Variants in LARGE1 observed in about 807,000 individuals in gnomAD.
LARGE1 encodes LARGE xylosyl- and glucuronyltransferase 1.
A neutral mutation model predicts 87.6 loss-of-function variants in LARGE1; 43 were observed. The ratio of observed to expected loss-of-function variants is 0.49; its 90% confidence interval spans 0.38 to 0.63. LARGE1 has a LOEUF of 0.63. Among genes scored for constraint, LARGE1 ranks in the 30% least tolerant of loss-of-function variants. The pLI, the probability that LARGE1 is intolerant of heterozygous loss-of-function variation, is 0.00. For synonymous variants in LARGE1, 434 were observed against 394.6 expected (o/e 1.10, Z -1.18); for missense variants, 802 against 1,000.2 (o/e 0.80, Z 2.67).
At chr22:33,073,275 G>T in the LARGE1 span, among the ~76,000 whole-genome samples, 1 of 152,124 alleles carries the variant, frequency 6.6e-6, no homozygotes, top group East Asian at 1.9e-4. Flanking sequence ...ACAATAAAGG[G>T]TCTTGCAGGT....
rs778861944 is a variant in LARGE1, at chr22:33,564,963, C to T, written c.672G>A (p.Lys224=). Residue 224 remains lysine, a synonymous_variant, in exon 6 of 15, where the codon AAG becomes AAA. Transcript: ENST00000397394. ...CAGGAAGAGTCTTGGTCAGGACAAGCTTCATCAGACCATAAATCCCAGAGT... is the reference window on the plus strand; with the variant it reads ...CAGGAAGAGTCTTGGTCAGGACAAGTTTCATCAGACCATAAATCCCAGAGT... ...KHYSGIYGLM[K]LVLTKTLPAN... 1 of 1,614,164 alleles carries T rather than the reference C, an allele frequency of 6.2e-7. No homozygotes were observed. Among genetic ancestry groups the T allele is most frequent in the Non-Finnish European group, 8.5e-7 (1 of 1,180,012 alleles).
intron 6 of LARGE1, among the ~76,000 whole-genome samples, chr22:33,464,323 G>T (rs1425234846): frequency 6.6e-6 from 1 of 152,094 alleles, no homozygotes; most frequent in Admixed American, 6.6e-5. Flanking sequence ...CCAGGTTTTG[G>T]TTTATTTTCA....
chr22:33,133,799 G>C, the LARGE1 span, among the ~76,000 whole-genome samples: 1 of 150,874 alleles, frequency 6.6e-6, no homozygotes, highest in Non-Finnish European at 1.5e-5. Context: ...CCCACCAACA[G>C]TGTAAAAGCA....
chr22:33,512,586 TGA>T (rs2071105963), intron 6 of LARGE1, among the ~76,000 whole-genome samples: 1 of 152,178 alleles, frequency 6.6e-6, no homozygotes, highest in Non-Finnish European at 1.5e-5. Context: ...GAAGATCACC[TGA>T]GGTCAGGAGT....
intron 1 of LARGE1, among the ~76,000 whole-genome samples, chr22:33,909,231 G>A (rs1029946946): frequency 1.3e-5 from 2 of 152,120 alleles, no homozygotes; most frequent in East Asian, 3.9e-4. Flanking sequence ...TCCATATCAA[G>A]CAAATGTTTG....
At chr22:33,775,851 T>TAAAAA (rs35496819) in intron 1 of LARGE1, among the ~76,000 whole-genome samples, 10 of 122,360 alleles carry the variant, frequency 8.2e-5, no homozygotes, top group African/African-American at 1.6e-4. Flanking sequence ...GTCACTGTCT[T>TAAAAA]AAAAAAAAAA....
the LARGE1 span, among the ~76,000 whole-genome samples, chr22:33,133,499 G>A: frequency 1.3e-5 from 2 of 152,074 alleles, no homozygotes; most frequent in African/African-American, 4.8e-5. Context: ...TCCCTGCAAG[G>A]GACATGAACT....
intron 5 of LARGE1, among the ~76,000 whole-genome samples, chr22:33,584,641 G>A (rs188602269): frequency 1.6e-4 from 24 of 151,790 alleles, no homozygotes; most frequent in Admixed American, 1.2e-3. Flanking sequence ...GTTAACATCA[G>A]GTTTTCCAAG....
intron 1 of LARGE1, among the ~76,000 whole-genome samples, chr22:33,865,943 G>A (rs1193722306): frequency 3.7e-5 from 5 of 135,014 alleles, no homozygotes; most frequent in Non-Finnish European, 1.5e-5. Flanking sequence ...CTGCCTCCCA[G>A]GCTCAAGCAA....
chr22:33,834,117 A>G (rs1181887151), intron 1 of LARGE1, among the ~76,000 whole-genome samples: 1 of 152,190 alleles, frequency 6.6e-6, no homozygotes, highest in African/African-American at 2.4e-5. Context: ...CACCAAGAAT[A>G]TAATACTTAC....
chr22:33,886,290 C>T (rs2064842877), intron 1 of LARGE1, among the ~76,000 whole-genome samples: 1 of 152,220 alleles, frequency 6.6e-6, no homozygotes, highest in African/African-American at 2.4e-5. Context: ...CAGGATGTTC[C>T]TGTGACTTGT....
chr22:33,647,251 C>A (rs2080648184), intron 3 of LARGE1, among the ~76,000 whole-genome samples: 1 of 152,200 alleles, frequency 6.6e-6, no homozygotes, highest in African/African-American at 2.4e-5. Flanking sequence ...AGTAACAGAA[C>A]TCCAGAATGT....
chr22:33,071,895 C>T, the LARGE1 span, among the ~76,000 whole-genome samples: 1 of 152,178 alleles, frequency 6.6e-6, no homozygotes, highest in African/African-American at 2.4e-5. Flanking sequence ...CCTGGCTGTT[C>T]CTGACTCTTC....
chr22:33,182,838 A>G (rs1183356642), intron 11 of LARGE1, among the ~76,000 whole-genome samples: 1 of 152,202 alleles, frequency 6.6e-6, no homozygotes, highest in Non-Finnish European at 1.5e-5. Flanking sequence ...AGTTAAGTGT[A>G]ACACCTGAAA....
chr22:33,068,332 G>A, the LARGE1 span, among the ~76,000 whole-genome samples: 4 of 152,096 alleles, frequency 2.6e-5, no homozygotes, highest in South Asian at 2.1e-4. Context: ...CTAGTAGGAC[G>A]GGCAAAGCAC....
intron 1 of LARGE1, among the ~76,000 whole-genome samples, chr22:33,787,020 CAAAA>C (rs1184293115): frequency 3.9e-5 from 3 of 77,134 alleles, no homozygotes; most frequent in Non-Finnish European, 2.6e-5. Flanking sequence ...GACTCCATTT[CAAAA>C]AAAAAAAAAA....
chr22:33,247,047 ATGTGTGTGTGTG>A (rs10532057), intron 11 of LARGE1, among the ~76,000 whole-genome samples: 23 of 146,166 alleles, frequency 1.6e-4, no homozygotes, highest in Non-Finnish European at 2.1e-4. Flanking sequence ...TGCAGCCAGT[ATGTGTGTGTGTG>A]TGTGTGTGTG....
At chr22:33,907,630 C>T (rs1046040327) in intron 1 of LARGE1, among the ~76,000 whole-genome samples, 3 of 151,758 alleles carry the variant, frequency 2.0e-5, no homozygotes, top group Non-Finnish European at 4.4e-5. Flanking sequence ...CGCAGTGGCG[C>T]GATCTCGGCT....
At chr22:33,731,025 C>T (rs866399866) in intron 2 of LARGE1, among the ~76,000 whole-genome samples, 18 of 122,886 alleles carry the variant, frequency 1.5e-4, no homozygotes, top group South Asian at 1.0e-3. Context: ...TTTTTTGAGA[C>T]GGAGTCTTGT....
Sources: gnomAD v4.1 joint callset for allele counts (sites outside exome capture counted in the v4.1 genomes callset) on GRCh38, gnomAD v4.1.1 for gene constraint, MANE v1.5 for transcripts, NCBI Gene and HGNC (gene_info 2026-07-23, HGNC 2026-07-21) for gene names.